TAFA2: variants seen among roughly 807,000 people sequenced by gnomAD.
TAFA2 encodes the protein chemokine-like protein TAFA-2.
Under a neutral mutation model 18.8 loss-of-function variants are expected in TAFA2, and 7 were observed. That is an observed-to-expected ratio of 0.37 (90% CI 0.21 to 0.70). The LOEUF (loss-of-function observed/expected upper bound fraction) is 0.70. TAFA2 is among the 30% of genes least tolerant of loss of function. The pLI is 0.53. For missense variants in TAFA2, 122 were observed against 158.1 expected (o/e 0.77, Z 1.23); for synonymous variants, 60 against 54.2 (o/e 1.11, Z -0.47).
chr12:61,940,387 G>A lies in TAFA2; in HGVS notation c.-1-72961C>T, dbSNP rs1023833632. ...CAAAGGGATTAGGAAACGTGTGTTG[G>A]CAGGTAGGAGGAGTGGCCATCAGGG... On this transcript the variant is annotated intron_variant, in intron 1 of 4. Coordinates refer to ENST00000416284, the MANE Select transcript of TAFA2 (RefSeq NM_178539.5). 2.0e-4 allele frequency among the ~76,000 whole-genome samples: 31 copies of A among 152,208 alleles called. 2 individuals are homozygous for A. The highest frequency in any genetic ancestry group is 1.5e-5 in the Non-Finnish European group (1 of 68,038).
At chr12:61,722,160 G>A (rs1869936956) in intron 4 of TAFA2, among the ~76,000 whole-genome samples, 2 of 152,136 alleles carry the variant, frequency 1.3e-5, no homozygotes, top group South Asian at 4.1e-4. Context: ...GGTTGTATAA[G>A]TTAAAAGTAA....
chr12:61,880,349 G>C, intron 1 of TAFA2: 1 of 505,512 alleles, frequency 2.0e-6, no homozygotes, highest in South Asian at 1.5e-5. Context: ...GAAGCGCAGG[G>C]AGCTGGCCAT....
chr12:62,059,118 A>ATAT (rs777938428), intron 1 of TAFA2, among the ~76,000 whole-genome samples: 58 of 68,472 alleles, frequency 8.5e-4, no homozygotes, highest in African/African-American at 1.5e-3. Flanking sequence ...AAATAATAAT[A>ATAT]ATATATATAT....
At chr12:62,177,184 A>AG in intron 1 of TAFA2, among the ~76,000 whole-genome samples, 1 of 152,378 alleles carries the variant, frequency 6.6e-6, no homozygotes, top group Middle Eastern at 3.4e-3. Flanking sequence ...ACAACTATGC[A>AG]GGGGCACAGC....
At chr12:61,939,547 C>G (rs937732911) in intron 1 of TAFA2, among the ~76,000 whole-genome samples, 1 of 152,150 alleles carries the variant, frequency 6.6e-6, no homozygotes, top group Non-Finnish European at 1.5e-5. Context: ...CCCTTAACTA[C>G]TTGCATGATC....
chr12:61,761,653 C>T (rs574128481), intron 2 of TAFA2, among the ~76,000 whole-genome samples: 1 of 152,126 alleles, frequency 6.6e-6, no homozygotes, highest in East Asian at 1.9e-4. Context: ...ACTATACCTC[C>T]AATTTGCAAG....
At chr12:61,989,538 C>T (rs1879929179) in intron 1 of TAFA2, among the ~76,000 whole-genome samples, 1 of 152,174 alleles carries the variant, frequency 6.6e-6, no homozygotes, top group South Asian at 2.1e-4. Context: ...CCACCCTTGC[C>T]ACTGCCTTCC....
At chr12:62,146,503 C>T (rs2062282662) in intron 1 of TAFA2, among the ~76,000 whole-genome samples, 2 of 152,000 alleles carry the variant, frequency 1.3e-5, no homozygotes, top group Non-Finnish European at 2.9e-5. Flanking sequence ...GCTGCCACTT[C>T]TCCTTTAATC....
At chr12:62,126,467 C>T (rs921985621) in intron 1 of TAFA2, among the ~76,000 whole-genome samples, 1 of 152,038 alleles carries the variant, frequency 6.6e-6, no homozygotes, top group Non-Finnish European at 1.5e-5. Flanking sequence ...GGGCAGAAGG[C>T]AGGTTTGTTT....
chr12:61,753,907 A>G (rs1869139542), intron 3 of TAFA2, among the ~76,000 whole-genome samples, 161 bp from the exon 4 acceptor site: 1 of 152,100 alleles, frequency 6.6e-6, no homozygotes, highest in African/African-American at 2.4e-5. Context: ...AAACCTTTCA[A>G]GATTTTCTAA....
intron 2 of TAFA2, among the ~76,000 whole-genome samples, chr12:61,816,908 G>T (rs1872110898): frequency 6.6e-6 from 1 of 151,178 alleles, no homozygotes; most frequent in Non-Finnish European, 1.5e-5. Context: ...ATAGGGTCTG[G>T]CACTAAGACA....
chr12:61,885,876 G>GA (rs1245610258), intron 1 of TAFA2, among the ~76,000 whole-genome samples: 4 of 152,104 alleles, frequency 2.6e-5, no homozygotes. Flanking sequence ...GATCCTCCAA[G>GA]AAAGATGGAA....
chr12:62,016,937 C>T (rs1232793030), intron 1 of TAFA2, among the ~76,000 whole-genome samples: 7 of 152,190 alleles, frequency 4.6e-5, no homozygotes, highest in Non-Finnish European at 8.8e-5. Flanking sequence ...AAGAAAAGAG[C>T]GTGAGCTCTG....
At chr12:61,926,262 G>T (rs948159804) in intron 1 of TAFA2, among the ~76,000 whole-genome samples, 4 of 152,132 alleles carry the variant, frequency 2.6e-5, no homozygotes, top group African/African-American at 9.7e-5. Context: ...TTCTACCAGA[G>T]GTACAAAGAG....
intron 4 of TAFA2, among the ~76,000 whole-genome samples, chr12:61,751,979 T>TAC (rs1228177043): frequency 6.6e-6 from 1 of 151,912 alleles, no homozygotes; most frequent in Non-Finnish European, 1.5e-5. Context: ...CTATACGATA[T>TAC]TTTTACCATT....
intron 1 of TAFA2, among the ~76,000 whole-genome samples, chr12:61,928,127 A>T (rs1436765310): frequency 1.3e-5 from 2 of 152,228 alleles, no homozygotes; most frequent in African/African-American, 4.8e-5. Context: ...TAAAACATCA[A>T]AATCAATGGC....
intron 1 of TAFA2, among the ~76,000 whole-genome samples, chr12:61,981,320 A>C (rs1432264519): frequency 6.6e-6 from 1 of 152,228 alleles, no homozygotes; most frequent in Non-Finnish European, 1.5e-5. Context: ...AAGATGGATT[A>C]AAGACTTCAG....
chr12:62,179,737 C>CT (rs1345840153), intron 1 of TAFA2, among the ~76,000 whole-genome samples: 1 of 152,052 alleles, frequency 6.6e-6, no homozygotes, highest in Non-Finnish European at 1.5e-5. Flanking sequence ...AGGATTTCCT[C>CT]TTTTTTTAGA....
In TAFA2 at chr12:62,191,689, T is replaced by A. The variant is rs1242176435; in HGVS notation, c.-432A>T. The A allele has an allele frequency of 6.6e-6, 1 of 152,058 alleles. No individual in the cohort carries two copies. Among genetic ancestry groups the A allele is most frequent in the East Asian group, 1.9e-4 (1 of 5,140 alleles). 9.4% of individuals were successfully genotyped at this position (152,058 alleles called of 1,614,324 possible). A position where few individuals can be genotyped will look rare whatever the true frequency, so the allele number is the denominator to read the frequency against. On this transcript the variant is annotated 5_prime_UTR_variant, in exon 1 of 5. Transcript: ENST00000416284. ...TCCTGTCCTCGCCGGATGCGCGCGG[T>A]GCGCTCAGCTCCCTGGACTGCAAGA...
Sources: allele counts gnomAD v4.1 joint callset (sites outside exome capture counted in the v4.1 genomes callset), GRCh38; gene constraint gnomAD v4.1.1; transcripts MANE v1.5; gene names NCBI Gene and HGNC (gene_info 2026-07-23, HGNC 2026-07-21).